The following TNXB variants were observed in gnomAD, a reference collection of about 807,000 sequenced individuals.
TNXB encodes the protein tenascin-X.
In TNXB, 183 loss-of-function variants were observed where a neutral mutation model predicts 340.5. The observed-to-expected ratio is 0.54, with a 90% CI of 0.48 to 0.61. The LOEUF is 0.61. Ranked by LOEUF, TNXB falls within the 20% of genes least tolerant of loss-of-function variation. TNXB has a pLI of 0.00. For missense variants in TNXB, 4,613 were observed against 5,446.4 expected (o/e 0.85, Z 4.82); for synonymous variants, 2,121 against 2,314.5 (o/e 0.92, Z 2.40).
rs894305171 is a variant in TNXB at position 32,089,423 on chromosome 6, C to G, written c.2359-44G>C. ...GGTGGCTCAGGGGCTGGCACTCTTG[C>G]CTCTGCTGCTCAATCCCCCTTATCT... is the stretch of plus-strand genomic sequence containing the variant. On this transcript the variant is annotated intron_variant, in intron 4 of 43. Transcript: ENST00000644971. This position sits in a 1 kb window ranked among gnomAD's most constrained non-coding sequence, Gnocchi z 6.2. 1 of 1,570,544 alleles carries G rather than the reference C, an allele frequency of 6.4e-7. No homozygotes were observed. Among genetic ancestry groups the G allele is most frequent in the African/African-American group, 1.3e-5 (1 of 74,190 alleles).
intron 1 of TNXB, among the ~76,000 whole-genome samples, chr6:32,100,676 T>C (rs1780671198): frequency 6.6e-6 from 1 of 151,384 alleles, no homozygotes; most frequent in Admixed American, 6.6e-5. Flanking sequence ...TGGTGAGCTG[T>C]GATCATGCCA....
intron 11 of TNXB, among the ~76,000 whole-genome samples, chr6:32,077,368 C>T (rs1562843800): frequency 6.6e-6 from 1 of 152,224 alleles, no homozygotes; most frequent in African/African-American, 2.4e-5. Flanking sequence ...TGAAATCAAC[C>T]AAGTCATGAT....
Position 32,067,904 on chromosome 6 carries a change from G to C in TNXB, c.6301C>G (p.Leu2101Val), listed in dbSNP as rs766914938. 1.2e-6 allele frequency: 2 copies of C among 1,612,714 alleles called. No individual in the cohort carries two copies. The highest frequency in any genetic ancestry group is 1.7e-6 in the Non-Finnish European group (2 of 1,179,866). Residue 2101 changes from leucine (L) to valine (V), a missense_variant, in exon 18 of 44, where the codon CTA becomes GTA. Coordinates refer to ENST00000644971, the MANE Select transcript of TNXB (RefSeq NM_001365276.2). The surrounding 1 kb of genome is among the most constrained non-coding windows in gnomAD (Gnocchi z 4.2). ...EPAEEPLLGE[L>V]TVTGSSPDSL... ...TCAGGGGAGGATCCTGTCACTGTTA[G>C]CTCCCCCAGGAGCGGCTCCTCAGCG... is the stretch of plus-strand genomic sequence containing the variant.
In TNXB at chr6:32,055,844, C is replaced by A; in HGVS notation, c.8467+7G>T. 6.2e-7 allele frequency: 1 copy of A among 1,607,080 alleles called. No individual in the cohort carries two copies. The highest frequency in any genetic ancestry group is 2.2e-5 in the East Asian group (1 of 44,686). On this transcript the variant is annotated splice_region_variant and intron_variant, in intron 24 of 43. Transcript: ENST00000644971. ...TAGGGCCATCTTCCTCACTCACAAACACTCACCTGTCACACCCACGGTGGA... is the reference window on the plus strand; with the variant it reads ...TAGGGCCATCTTCCTCACTCACAAAAACTCACCTGTCACACCCACGGTGGA...
Position 32,046,093 on chromosome 6 carries a change from T to C in TNXB, c.10606+82A>G. The C allele has an allele frequency of 6.6e-7, 1 of 1,523,750 alleles. No homozygotes were observed. The highest frequency in any genetic ancestry group is 8.8e-7 in the Non-Finnish European group (1 of 1,134,474). The allele number at this position is 1,523,750 out of a possible 1,614,324, so 94.4% of individuals were successfully genotyped here. On this transcript the variant is annotated intron_variant, in intron 31 of 43. Coordinates refer to ENST00000644971, the MANE Select transcript of TNXB (RefSeq NM_001365276.2). The surrounding 1 kb of genome is among the most constrained non-coding windows in gnomAD (Gnocchi z 6.9). ...CGCCCCACTCCGGCCTGCCCACTCC[T>C]GCAGTCATCTTTGTCTTCAGCCCAA...
Position 32,085,917 on chromosome 6 carries a change from C to T in TNXB, c.2981G>A (p.Arg994His), listed in dbSNP as rs372167278. The change falls in exon 7 of 44, where the codon CGC becomes CAC. Residue 994 changes from arginine to histidine, a missense_variant. Coordinates refer to ENST00000644971, the MANE Select transcript of TNXB (RefSeq NM_001365276.2). This position sits in a 1 kb window ranked among gnomAD's most constrained non-coding sequence, Gnocchi z 6.4. ...QPDTFAYFQL[R>H]MRVPEGPGAH... ...CCCCGGCCCCTCGGGCACCCGCATG[C>T]GCAGTTGGAAGTAGGCAAAGGTGTC... The T allele has an allele frequency of 1.2e-4, 190 of 1,608,592 alleles. 2 individuals carry two copies. The Middle Eastern group carries it at 4.8e-3, about 41-fold the overall frequency.
chr6:32,060,011 A>G (rs1028707499), intron 21 of TNXB, among the ~76,000 whole-genome samples: 21 of 152,032 alleles, frequency 1.4e-4, no homozygotes, highest in African/African-American at 4.6e-4. Context: ...CTTATGGACT[A>G]GAAATTTTGA....
chr6:32,056,185 G>A lies in TNXB; in HGVS notation c.8144-11C>T, dbSNP rs1777630331. 6.2e-7 allele frequency: 1 copy of A among 1,604,832 alleles called. No individual in the cohort carries two copies. Among genetic ancestry groups the A allele is most frequent in the African/African-American group, 1.3e-5 (1 of 74,774 alleles). On this transcript the variant is annotated splice_polypyrimidine_tract_variant and intron_variant, in intron 23 of 43. Coordinates refer to ENST00000644971, the MANE Select transcript of TNXB (RefSeq NM_001365276.2). ...TCTCTTCCTCTGCAGCTGAGAAAAG[G>A]AGATATAGAGAGGATGCCAGGTGCC...
Position 32,073,311 on chromosome 6 carries a change from G to A in TNXB, c.4681+336C>T, listed in dbSNP as rs1374791063. On this transcript the variant is annotated intron_variant, in intron 12 of 43. Coordinates refer to ENST00000644971, the MANE Select transcript of TNXB (RefSeq NM_001365276.2). This position sits in a 1 kb window ranked among gnomAD's most constrained non-coding sequence, Gnocchi z 4.6. ...GGCAGCTGTGTCCAAGTCACAGCAG[G>A]GTTGTAAAGAGAAGGGGTGGAAACA... Among the ~76,000 whole-genome samples, 1 of 152,196 alleles carries A rather than the reference G, an allele frequency of 6.6e-6. No individual in the cohort carries two copies. Among genetic ancestry groups the A allele is most frequent in the African/African-American group, 2.4e-5 (1 of 41,442 alleles).
chr6:32,069,080 G>A lies in TNXB; in HGVS notation c.5644C>T (p.Pro1882Ser), dbSNP rs1410053256. The change falls in exon 16 of 44, where the codon CCC (proline) becomes TCC (serine). Residue 1882 changes from proline to serine, a missense_variant. Around this residue, in one of 7 missense-constraint regions of TNXB, gnomAD observed 4,327 missense variants for 4,859.4 expected, o/e 0.89. Coordinates refer to ENST00000644971, the MANE Select transcript of TNXB (RefSeq NM_001365276.2). The surrounding 1 kb of genome is among the most constrained non-coding windows in gnomAD (Gnocchi z 6.2). Reference sequence around the variant, plus strand: ...TCCACTGTCAACTCCCCGAGGTGGGGCTCAGGCGCTGGAGGGGTCGGGGCC... The same window carrying A: ...TCCACTGTCAACTCCCCGAGGTGGGACTCAGGCGCTGGAGGGGTCGGGGCC... ...TTAPTPPAPEPHLGELTVEEA... is the reference protein window; with the variant it reads ...TTAPTPPAPESHLGELTVEEA... The A allele has an allele frequency of 6.2e-7, 1 of 1,612,692 alleles. No homozygotes were observed. The highest frequency in any genetic ancestry group is 1.7e-5 in the Admixed American group (1 of 60,026).
Position 32,069,638 on chromosome 6 carries a change from C to T in TNXB, c.5502G>A (p.Leu1834=), listed in dbSNP as rs1481871297. Residue 1834 remains leucine, a synonymous_variant, in exon 15 of 44, where the codon CTG becomes CTA. Transcript: ENST00000644971. The surrounding 1 kb of genome is among the most constrained non-coding windows in gnomAD (Gnocchi z 6.2). ...GCAGCTTGTACCTGTGGGCAGGGTC[C>T]AGGCCCGGCACGCTGACCTCCCTGA... is the stretch of plus-strand genomic sequence containing the variant. The part of the protein sequence containing the change: ...GSLREVSVPG[L]DPAHRYKLLL... 1.2e-6 allele frequency: 2 copies of T among 1,612,818 alleles called. No homozygotes were observed. The highest frequency in any genetic ancestry group is 1.7e-6 in the Non-Finnish European group (2 of 1,179,526).
At chr6:32,055,539 T>C (rs1777571122) in intron 24 of TNXB, among the ~76,000 whole-genome samples, 1 of 152,126 alleles carries the variant, frequency 6.6e-6, no homozygotes, top group African/African-American at 2.4e-5. Context: ...GAAAGCACAC[T>C]ACCAGGAATC....
At position 32,042,509 on chromosome 6, in the gene TNXB, G is replaced by T. The variant is rs6457479; in HGVS notation, c.12156C>A (p.Arg4052=). 93 of 1,607,514 alleles carry T rather than the reference G, an allele frequency of 5.8e-5. 1 individual carries two copies. The East Asian group carries it at 1.9e-3, about 33-fold the overall frequency. ...RTSTIFLNGN[R]ERPLNVFCDM... Reference sequence around the variant, plus strand: ...CGCAAAACACGTTCAGGGGCCGCTCGCGGTTGCCGTTGAGGAAGATGGTGC... The same window carrying T: ...CGCAAAACACGTTCAGGGGCCGCTCTCGGTTGCCGTTGAGGAAGATGGTGC... Residue 4052 remains arginine, a synonymous_variant, in exon 40 of 44, where the codon CGC becomes CGA. Transcript: ENST00000644971.
chr6:32,055,632 C>T lies in TNXB; in HGVS notation c.8467+219G>A, dbSNP rs1358328217. Among the ~76,000 whole-genome samples, 5 of 152,162 alleles carry T rather than the reference C, an allele frequency of 3.3e-5. 1 individual carries two copies. The highest frequency in any genetic ancestry group is 2.1e-4 in the South Asian group (1 of 4,826). The stretch of plus-strand genomic sequence containing the variant: ...GTGAAGAACTTTGCTACTCAAGGGG[C>T]GTGATCATGGGCCAGCAGCATCCGC... On this transcript the variant is annotated intron_variant, in intron 24 of 43. Coordinates refer to ENST00000644971, the MANE Select transcript of TNXB (RefSeq NM_001365276.2).
chr6:32,050,067 A>G lies in TNXB; in HGVS notation c.9370T>C (p.Tyr3124His). 1 of 1,613,754 alleles carries G rather than the reference A, an allele frequency of 6.2e-7. No homozygotes were observed. Among genetic ancestry groups the G allele is most frequent in the Non-Finnish European group, 8.5e-7 (1 of 1,179,880 alleles). ...TISGLEPDHK[Y>H]KMNLYGFHGG... is the part of the protein sequence containing the mutation. ...TGGAAGCCGTACAGGTTCATCTTGT[A>G]TTTATGGTCTGGCTCCAGGCCTGAG... Residue 3124 changes from tyrosine to histidine, a missense_variant, in exon 27 of 44, where the codon TAC (tyrosine) becomes CAC (histidine). By Grantham distance (83) the Tyr-to-His change is moderately conservative (BLOSUM62 2). Around this residue, in one of 7 missense-constraint regions of TNXB, gnomAD observed 4,327 missense variants for 4,859.4 expected, o/e 0.89. Transcript: ENST00000644971.
Position 32,068,672 on chromosome 6 carries a change from C to T in TNXB, c.5938G>A (p.Ala1980Thr), listed in dbSNP as rs148556332. 168 of 1,613,770 alleles carry T rather than the reference C, an allele frequency of 1.0e-4. No homozygotes were observed. In the African/African-American group the frequency reaches 1.3e-3, roughly 12 times the overall value. Reference protein sequence around the residue: ...EEEKPSEPPTATPEPPIKPRL... With the variant: ...EEEKPSEPPTTTPEPPIKPRL... ...GGCTTGATGGGGGGCTCGGGGGTTG[C>T]GGTGGGAGGTTCTGAAGGCTTCTCC... is the stretch of plus-strand genomic sequence containing the variant. The change falls in exon 17 of 44, where the codon GCA becomes ACA. Residue 1980 changes from alanine to threonine, a missense_variant. Transcript: ENST00000644971. The surrounding 1 kb of genome is among the most constrained non-coding windows in gnomAD (Gnocchi z 5.3).
At position 32,043,799 on chromosome 6, in the gene TNXB, G is replaced by A. The variant is rs1008389232; in HGVS notation, c.11480C>T (p.Ser3827Leu). The change falls in exon 35 of 44, where the codon TCG becomes TTG. Residue 3827 changes from serine to leucine, a missense_variant. This residue lies in a region of TNXB where 114 missense variants were observed against 104.5 expected (regional missense o/e 1.09). Transcript: ENST00000644971. ...PGARYEVTVV[S>L]VRGFEESEPL... ...CTCACTCTCCTCAAAGCCTCGGACCGAGACCACGGTCACCTCATAGCGAGC... is the reference window on the plus strand; with the variant it reads ...CTCACTCTCCTCAAAGCCTCGGACCAAGACCACGGTCACCTCATAGCGAGC... 1.7e-5 allele frequency: 28 copies of A among 1,613,402 alleles called. No homozygotes were observed. The highest frequency in any genetic ancestry group is 1.6e-4 in the Middle Eastern group (1 of 6,084).
At chr6:32,106,275 G>A (rs984416149) in intron 1 of TNXB, among the ~76,000 whole-genome samples, 6 of 152,030 alleles carry the variant, frequency 3.9e-5, no homozygotes, top group Admixed American at 6.6e-5. Flanking sequence ...GGTGGTAGGG[G>A]GGTCCCAGGA....
At chr6:32,092,822 G>A (rs555448342) in intron 4 of TNXB, among the ~76,000 whole-genome samples, 70 of 152,350 alleles carry the variant, frequency 4.6e-4, no homozygotes, top group African/African-American at 1.6e-3. Context: ...AGGCCCAAGA[G>A]GAGTGTCTGG....
Sources: allele counts gnomAD v4.1 joint callset (sites outside exome capture counted in the v4.1 genomes callset), GRCh38; gene constraint gnomAD v4.1.1; regional missense constraint gnomAD v4.1.1; non-coding constraint Gnocchi (gnomAD v3.1); transcripts MANE v1.5; gene names NCBI Gene and HGNC (gene_info 2026-07-23, HGNC 2026-07-21).